The following CFAP20DC variants were observed in gnomAD, a reference collection of about 807,000 sequenced individuals.
CFAP20DC encodes the protein CFAP20 domain containing.
A neutral mutation model predicts 101.7 loss-of-function variants in CFAP20DC; 84 were observed. The observed-to-expected ratio is 0.83, with a 90% CI of 0.69 to 0.99. CFAP20DC has a LOEUF of 0.99. Among genes scored for constraint, CFAP20DC ranks in the 50% least tolerant of loss-of-function variants. The pLI, the probability that CFAP20DC is intolerant of heterozygous loss-of-function variation, is 0.00. For missense variants in CFAP20DC, 1,007 were observed against 970.3 expected (o/e 1.04, Z -0.50); for synonymous variants, 359 against 351.2 (o/e 1.02, Z -0.25).
intron 6 of CFAP20DC, among the ~76,000 whole-genome samples, chr3:58,890,277 C>G (rs1178290648): frequency 6.7e-6 from 1 of 149,076 alleles, no homozygotes; most frequent in Non-Finnish European, 1.5e-5. Flanking sequence ...CACCCCTCAC[C>G]TCCCGGACGG....
Position 58,724,987 on chromosome 3 carries a change from G to A in CFAP20DC, c.198-7359C>T, listed in dbSNP as rs2067528621. Among the ~76,000 whole-genome samples the A allele has an allele frequency of 1.3e-5, 2 of 152,056 alleles. No individual in the cohort carries two copies. The highest frequency in any genetic ancestry group is 4.8e-5 in the African/African-American group (2 of 41,404). On this transcript the variant is annotated intron_variant, in intron 3 of 3. Transcript: ENST00000486145. The surrounding 1 kb of genome is among the most constrained non-coding windows in gnomAD (Gnocchi z 5.6). ...GTTCTGCTATTATTACTTTGGAGGG[G>A]ACCACCGAACCAGTAAACATTTGGG...
chr3:58,911,823 C>G (rs1422931125), intron 6 of CFAP20DC, among the ~76,000 whole-genome samples: 2 of 152,074 alleles, frequency 1.3e-5, no homozygotes, highest in African/African-American at 2.4e-5. Flanking sequence ...GACTAAATCT[C>G]CTGTGGCTTG....
chr3:59,019,957 C>T (rs2093770110), intron 4 of CFAP20DC, among the ~76,000 whole-genome samples: 1 of 151,996 alleles, frequency 6.6e-6, no homozygotes. Flanking sequence ...TATATCACAA[C>T]AGATTGAATT....
At chr3:58,739,845 T>C (rs1436236609), downstream of CFAP20DC, among the ~76,000 whole-genome samples, 1 of 152,210 alleles carries the variant, frequency 6.6e-6, no homozygotes. Context: ...GGGAAGCACA[T>C]CTATTTTTGT....
intron 15 of CFAP20DC, among the ~76,000 whole-genome samples, chr3:58,762,664 C>A (rs143922725): frequency 6.6e-6 from 1 of 151,988 alleles, no homozygotes; most frequent in African/African-American, 2.4e-5. Context: ...ATGTTTTTGC[C>A]GTGGCTGGTA....
At position 58,941,327 on chromosome 3, in the gene CFAP20DC, C is replaced by CAAAAAAA. The variant is rs752324535; in HGVS notation, c.279-3572_279-3566dup. On this transcript the variant is annotated intron_variant, in intron 4 of 16. Transcript: ENST00000482387. ...CTGGCGACAGAGCGAGACTCCGTCT[C>CAAAAAAA]AAAAAAAAAAAAAAAAAAAAAAAAA... Among the ~76,000 whole-genome samples, 29 of 19,530 alleles carry CAAAAAAA rather than the reference C, an allele frequency of 1.5e-3. 2 individuals carry two copies. The highest frequency in any genetic ancestry group is 2.5e-3 in the East Asian group (1 of 402). The allele number at this position is 19,530 out of a possible 152,430, so 12.8% of individuals were successfully genotyped here.
At chr3:58,920,338 C>T (rs1438597325) in intron 5 of CFAP20DC, among the ~76,000 whole-genome samples, 4 of 152,080 alleles carry the variant, frequency 2.6e-5, no homozygotes, top group African/African-American at 9.7e-5. Flanking sequence ...AAACAATCCT[C>T]CTGTCTCAAC....
chr3:58,836,172 T>C (rs2076724212), intron 13 of CFAP20DC, among the ~76,000 whole-genome samples: 2 of 152,190 alleles, frequency 1.3e-5, no homozygotes, highest in Admixed American at 6.5e-5. Flanking sequence ...AATTAAGATA[T>C]GGCCTTGCTT....
chr3:58,829,104 G>C (rs1222919082), intron 14 of CFAP20DC, among the ~76,000 whole-genome samples: 6 of 152,024 alleles, frequency 3.9e-5, no homozygotes, highest in Non-Finnish European at 5.9e-5. Flanking sequence ...GGCCAAGGTG[G>C]GTGGATCATT....
chr3:59,012,891 T>C (rs1226493874), intron 4 of CFAP20DC, among the ~76,000 whole-genome samples: 1 of 152,196 alleles, frequency 6.6e-6, no homozygotes, highest in East Asian at 1.9e-4. Flanking sequence ...TGTAATGTGG[T>C]TTATTAATAT....
chr3:58,758,202 A>G (rs116232213), intron 15 of CFAP20DC, among the ~76,000 whole-genome samples: 1,864 of 152,290 alleles, frequency 0.012, 42 homozygotes, highest in African/African-American at 0.043. Context: ...ATTTTTAAGC[A>G]GAAATGTGCA....
chr3:58,776,707 C>T (rs1244609247), intron 15 of CFAP20DC, among the ~76,000 whole-genome samples: 1 of 150,898 alleles, frequency 6.6e-6, no homozygotes, highest in East Asian at 1.9e-4. Context: ...TTTTCTCTTG[C>T]TAATCTGTTT....
chr3:58,942,653 G>A (rs2088780288), intron 4 of CFAP20DC, among the ~76,000 whole-genome samples: 1 of 152,176 alleles, frequency 6.6e-6, no homozygotes, highest in African/African-American at 2.4e-5. Context: ...GCAGCTGTTT[G>A]GGCAGACATC....
In CFAP20DC at chr3:58,841,620, G is replaced by C. The variant is rs375620313; in HGVS notation, c.1971+7412C>G. Among the ~76,000 whole-genome samples, 104 of 152,236 alleles carry C rather than the reference G, an allele frequency of 6.8e-4. No homozygotes were observed. In the Middle Eastern group the frequency reaches 0.01, roughly 15 times the overall value. ...GAAAAATGTGCTCACACTATTCTAT[G>C]GCCTAAAATATATTCAAAAGTGTCT... is the stretch of plus-strand genomic sequence containing the variant. On this transcript the variant is annotated intron_variant, in intron 13 of 16. Transcript: ENST00000482387.
chr3:58,747,316 G>A (rs1279485665), intron 16 of CFAP20DC, among the ~76,000 whole-genome samples: 1 of 152,138 alleles, frequency 6.6e-6, no homozygotes, highest in Non-Finnish European at 1.5e-5. Context: ...AGCAATACGG[G>A]CTGCCCTTCT....
rs1343081739 is a variant in CFAP20DC, at chr3:58,973,827, C to G, written c.279-36065G>C. Among the ~76,000 whole-genome samples the G allele has an allele frequency of 2.0e-5, 3 of 152,102 alleles. No individual in the cohort carries two copies. The South Asian group carries it at 6.2e-4, about 32-fold the overall frequency. On this transcript the variant is annotated intron_variant, in intron 4 of 16. Transcript: ENST00000482387. ...AGGTATAAAGGGGCAAGGGAAGGAACTAGAGTCAGAGCAATTGGATCCTTA... is the reference window on the plus strand; with the variant it reads ...AGGTATAAAGGGGCAAGGGAAGGAAGTAGAGTCAGAGCAATTGGATCCTTA...
intron 16 of CFAP20DC, among the ~76,000 whole-genome samples, chr3:58,748,374 G>T (rs980613340): frequency 2.0e-5 from 3 of 152,172 alleles, no homozygotes; most frequent in Non-Finnish European, 4.4e-5. Context: ...GGATAGGTAG[G>T]TGGGGTGGTT....
chr3:58,894,215 CT>C lies in CFAP20DC; in HGVS notation c.551-9507del, dbSNP rs1259056135. Among the ~76,000 whole-genome samples the C allele has an allele frequency of 2.0e-5, 3 of 152,138 alleles. No individual in the cohort carries two copies. The highest frequency in any genetic ancestry group is 4.4e-5 in the Non-Finnish European group (3 of 68,036). On this transcript the variant is annotated intron_variant, in intron 6 of 16. Coordinates refer to ENST00000482387, the MANE Select transcript of CFAP20DC (RefSeq NM_001394063.1). This position sits in a 1 kb window ranked among gnomAD's most constrained non-coding sequence, Gnocchi z 4.1. ...CCTCACATTTCAAAGCCAATTATGC[CT>C]TCCCAACAGTCCCCCGAAGTCTTAA...
intron 4 of CFAP20DC, among the ~76,000 whole-genome samples, chr3:59,029,036 C>T (rs1429408070): frequency 4.6e-5 from 7 of 152,186 alleles, no homozygotes. Context: ...ACTGATCTTG[C>T]TCTTATGTTA....
Sources: gnomAD v4.1 joint callset for allele counts (sites outside exome capture counted in the v4.1 genomes callset) on GRCh38, gnomAD v4.1.1 for gene constraint, Gnocchi (gnomAD v3.1) non-coding constraint, MANE v1.5 for transcripts, NCBI Gene and HGNC (gene_info 2026-07-23, HGNC 2026-07-21) for gene names.